SLC44A2: variants seen among roughly 807,000 people sequenced by gnomAD.
SLC44A2 encodes solute carrier family 44 member 2 (CTL2 blood group).
Under a neutral mutation model 90.8 loss-of-function variants are expected in SLC44A2, and 57 were observed. That is an observed-to-expected ratio of 0.63 (90% confidence interval 0.51 to 0.78). SLC44A2 has a LOEUF of 0.78. SLC44A2 is among the 30% of genes least tolerant of loss of function. The pLI is 0.00. For missense variants in SLC44A2, 794 were observed against 919.7 expected (o/e 0.86, Z 1.77); for synonymous variants, 355 against 360.7 (o/e 0.98, Z 0.18).
At chr19:10,616,234 A>G (rs903120681) in intron 1 of SLC44A2, among the ~76,000 whole-genome samples, 34 of 152,080 alleles carry the variant, frequency 2.2e-4, no homozygotes, top group African/African-American at 7.5e-4. Context: ...ACTGTGTTCA[A>G]TATACACAGT....
rs1209788016 is a variant in SLC44A2, at chr19:10,644,310, A to G, written c.*925A>G. On this transcript the variant is annotated 3_prime_UTR_variant, in exon 22 of 22. Transcript: ENST00000335757. Reference sequence around the variant, plus strand: ...ACACCTCACTTGATCCTTTTGCCAAACTTGTCAAACTCAGGGGAACTGGCT... The same window carrying G: ...ACACCTCACTTGATCCTTTTGCCAAGCTTGTCAAACTCAGGGGAACTGGCT... 6.6e-6 allele frequency: 1 copy of G among 152,642 alleles called. No homozygotes were observed. Among genetic ancestry groups the G allele is most frequent in the Non-Finnish European group, 1.5e-5 (1 of 68,074 alleles). 9.5% of individuals were successfully genotyped at this position (152,642 alleles called of 1,614,324 possible).
chr19:10,635,245 A>G lies in SLC44A2; in HGVS notation c.1138A>G (p.Ser380Gly). The change falls in exon 13 of 22, where the codon AGC (serine) becomes GGC (glycine). Residue 380 changes from serine to glycine, a missense_variant. This residue lies in a region of SLC44A2 where 738 missense variants were observed against 841.1 expected (regional missense o/e 0.88). Transcript: ENST00000335757. ...GTGCCTCTGCATCGCCTACTGGGCCAGCACTGCTGTGTATCTGCCCCCAGA... is the reference window on the plus strand; with the variant it reads ...GTGCCTCTGCATCGCCTACTGGGCCGGCACTGCTGTGTATCTGCCCCCAGA... ...LLCLCIAYWASTAVFLSTSNE... is the reference protein window; with the variant it reads ...LLCLCIAYWAGTAVFLSTSNE... 6.2e-7 allele frequency: 1 copy of G among 1,614,016 alleles called. No homozygotes were observed. The highest frequency in any genetic ancestry group is 8.5e-7 in the Non-Finnish European group (1 of 1,180,008).
At position 10,638,010 on chromosome 19, in the gene SLC44A2, C is replaced by T. The variant is rs749560777; in HGVS notation, c.1770-13C>T. On this transcript the variant is annotated splice_polypyrimidine_tract_variant and intron_variant, in intron 18 of 21. Coordinates refer to ENST00000335757, the MANE Select transcript of SLC44A2 (RefSeq NM_020428.4). Reference sequence around the variant, plus strand: ...AGCCAGCATTCACACCTGCCCCTCACTGTCCCCTGCAGAGTGGCTGTCCTG... The same window carrying T: ...AGCCAGCATTCACACCTGCCCCTCATTGTCCCCTGCAGAGTGGCTGTCCTG... 10 of 1,614,024 alleles carry T rather than the reference C, an allele frequency of 6.2e-6. No homozygotes were observed. In the Admixed American group the frequency reaches 1.0e-4, roughly 16 times the overall value.
intron 1 of SLC44A2, among the ~76,000 whole-genome samples, chr19:10,614,554 C>T (rs76819214): frequency 1.6e-4 from 25 of 152,214 alleles, no homozygotes; most frequent in African/African-American, 5.8e-4. Context: ...GCATATAAGT[C>T]CCCCAAAACT....
chr19:10,612,630 C>A (rs1396392341), intron 1 of SLC44A2, among the ~76,000 whole-genome samples: 1 of 152,190 alleles, frequency 6.6e-6, no homozygotes, highest in African/African-American at 2.4e-5. Flanking sequence ...CGCTGCAGCC[C>A]TTGGGGACTT....
chr19:10,628,670 A>G (rs1043998385), intron 4 of SLC44A2, among the ~76,000 whole-genome samples: 17 of 152,230 alleles, frequency 1.1e-4, no homozygotes, highest in African/African-American at 4.1e-4. Flanking sequence ...GTTCTCTGGC[A>G]GCACACATTT....
Position 10,637,912 on chromosome 19 carries a change from C to A in SLC44A2, c.1752C>A (p.Leu584=), listed in dbSNP as rs767047841. 17 of 1,614,140 alleles carry A rather than the reference C, an allele frequency of 1.1e-5. No individual in the cohort carries two copies. Among genetic ancestry groups the A allele is most frequent in the Non-Finnish European group, 1.4e-5 (16 of 1,180,018 alleles). ...CTSARNAFFL[L]MRNIIRVAVL... is the part of the protein sequence containing the mutation. ...CGGCCAGGAATGCCTTCTTCCTGCT[C>A]ATGAGAAACATCATCAGGTCGGGAA... The change falls in exon 18 of 22, where the codon CTC becomes CTA. Residue 584 remains leucine (L), a synonymous_variant. Transcript: ENST00000335757.
At chr19:10,641,287 G>A (rs1035614188) in intron 20 of SLC44A2, 1 of 382,168 alleles carries the variant, frequency 2.6e-6, no homozygotes, top group Non-Finnish European at 5.1e-6. Context: ...CCAGCTCCTT[G>A]TAAGCCTGAG....
At chr19:10,624,400 T>C (rs1184988732), upstream of SLC44A2, among the ~76,000 whole-genome samples, 2 of 152,006 alleles carry the variant, frequency 1.3e-5, no homozygotes, top group Non-Finnish European at 2.9e-5. Context: ...ACCTCCTGGG[T>C]TTAAGCGATT....
chr19:10,622,637 C>T (rs1272109033), upstream of SLC44A2, among the ~76,000 whole-genome samples: 1 of 152,080 alleles, frequency 6.6e-6, no homozygotes, highest in African/African-American at 2.4e-5. Context: ...CACGGTGGCT[C>T]ACACCTATAA....
At chr19:10,626,358 T>C in intron 2 of SLC44A2, 57 bp downstream of exon 2, 1 of 1,266,444 alleles carries the variant, frequency 7.9e-7, no homozygotes, top group Non-Finnish European at 1.2e-6. Context: ...AATCCCTGTC[T>C]CTTCACACCC....
chr19:10,619,311 G>A (rs1465548489), intron 1 of SLC44A2, among the ~76,000 whole-genome samples: 2 of 151,226 alleles, frequency 1.3e-5, no homozygotes, highest in Non-Finnish European at 2.9e-5. Context: ...TGTGTCTGTA[G>A]TCTCAGCCAC....
rs745441708 is a variant in SLC44A2, at chr19:10,631,134, C to T, written c.323C>T (p.Thr108Ile). The change falls in exon 5 of 22, where the codon ACT becomes ATT. Residue 108 changes from threonine (T) to isoleucine (I), a missense_variant. Transcript: ENST00000335757. ...GTTCTGCTGGAATTCCAATGTCCCA[C>T]TCCCCAGGTAACCTGGTCCCCACCG... ...PLVLLEFQCPTPQICVEKCPD... is the reference protein window; with the variant it reads ...PLVLLEFQCPIPQICVEKCPD... 1.9e-6 allele frequency: 3 copies of T among 1,613,900 alleles called. No homozygotes were observed. The highest frequency in any genetic ancestry group is 1.7e-6 in the Non-Finnish European group (2 of 1,179,848).
At chr19:10,604,690 AG>A (rs1203193918) in intron 1 of SLC44A2, among the ~76,000 whole-genome samples, 2 of 152,104 alleles carry the variant, frequency 1.3e-5, no homozygotes. Context: ...CTTTGTCTAT[AG>A]GACTCGGTGG....
intron 1 of SLC44A2, among the ~76,000 whole-genome samples, chr19:10,618,955 ATTC>A (rs1040027938): frequency 1.4e-5 from 2 of 140,916 alleles, no homozygotes; most frequent in Admixed American, 7.2e-5. Flanking sequence ...CATGTATACA[ATTC>A]TTTTTTTTTT....
At chr19:10,637,320 C>T (rs148479603) in intron 16 of SLC44A2, among the ~76,000 whole-genome samples, 7 of 152,204 alleles carry the variant, frequency 4.6e-5, no homozygotes, top group African/African-American at 1.7e-4. Context: ...CGACTGCACT[C>T]CAGCCTGGGC....
chr19:10,613,989 G>A (rs1196287380), intron 1 of SLC44A2, among the ~76,000 whole-genome samples: 3 of 151,850 alleles, frequency 2.0e-5, no homozygotes, highest in East Asian at 1.9e-4. Context: ...TTTTTGAGAC[G>A]AGTTTTGCTC....
intron 4 of SLC44A2, among the ~76,000 whole-genome samples, chr19:10,628,803 A>T (rs1197038408): frequency 1.3e-5 from 2 of 152,172 alleles, no homozygotes; most frequent in Non-Finnish European, 2.9e-5. Flanking sequence ...GACCTAGGGC[A>T]GGTGTCTCAA....
At chr19:10,630,573 A>G (rs1415273613) in intron 4 of SLC44A2, among the ~76,000 whole-genome samples, 1 of 150,812 alleles carries the variant, frequency 6.6e-6, no homozygotes, top group East Asian at 1.9e-4. Flanking sequence ...AGGCAGGAGA[A>G]TTGCTTGAAC....
Sources: allele counts gnomAD v4.1 joint callset (sites outside exome capture counted in the v4.1 genomes callset), GRCh38; gene constraint gnomAD v4.1.1; regional missense constraint gnomAD v4.1.1; transcripts MANE v1.5; gene names NCBI Gene and HGNC (gene_info 2026-07-23, HGNC 2026-07-21).